ZFP90: variants seen among roughly 807,000 people sequenced by gnomAD.
ZFP90 encodes the protein zinc finger protein 90 homolog.
Under a neutral mutation model 60.8 loss-of-function variants are expected in ZFP90, and 38 were observed. The ratio of observed to expected loss-of-function variants is 0.62; its 90% CI spans 0.48 to 0.82. The LOEUF (loss-of-function observed/expected upper bound fraction) is 0.82. ZFP90 is among the 40% of genes least tolerant of loss of function. ZFP90 has a pLI of 0.00. For synonymous variants in ZFP90, 287 were observed against 264.8 expected (o/e 1.08, Z -0.82); for missense variants, 711 against 759.1 (o/e 0.94, Z 0.74).
downstream of ZFP90, among the ~76,000 whole-genome samples, chr16:68,569,698 C>G (rs1429703432): frequency 6.6e-6 from 1 of 151,846 alleles, no homozygotes; most frequent in Non-Finnish European, 1.5e-5. Flanking sequence ...CCCAGGAGTT[C>G]GAGACCAGTC....
In ZFP90 at chr16:68,566,379, G is replaced by C. The variant is rs771413384; in HGVS notation, c.*1681G>C. On this transcript the variant is annotated 3_prime_UTR_variant, in exon 5 of 5. Coordinates refer to ENST00000563169, the MANE Select transcript of ZFP90 (RefSeq NM_001305203.2). ...GCCCTAAATATGAATCATGGGGCAA[G>C]ATATTGGTCGTATTGATGGTGAACC... 1.0e-4 allele frequency: 101 copies of C among 985,430 alleles called. No homozygotes were observed. The highest frequency in any genetic ancestry group is 1.8e-4 in the Admixed American group (3 of 16,274). 61.0% of individuals were successfully genotyped at this position (985,430 alleles called of 1,614,324 possible).
downstream of ZFP90, among the ~76,000 whole-genome samples, chr16:68,569,794 A>T (rs186364236): frequency 2.0e-5 from 3 of 152,276 alleles, no homozygotes; most frequent in Admixed American, 6.5e-5. Flanking sequence ...TAATTTTTTT[A>T]AAAAAGGAAT....
At chr16:68,553,171 G>C (rs917555412) in intron 2 of ZFP90, among the ~76,000 whole-genome samples, 2 of 152,152 alleles carry the variant, frequency 1.3e-5, no homozygotes, top group African/African-American at 2.4e-5. Context: ...TTTACATTCT[G>C]CTTTGGGATA....
chr16:68,566,722 C>T lies in ZFP90; in HGVS notation c.*2024C>T, dbSNP rs2091533956. 4.1e-6 allele frequency: 4 copies of T among 985,464 alleles called. No individual in the cohort carries two copies. The highest frequency in any genetic ancestry group is 4.7e-5 in the South Asian group (1 of 21,296). 61.0% of individuals were successfully genotyped at this position (985,464 alleles called of 1,614,324 possible). A position where few individuals can be genotyped will look rare whatever the true frequency, so the allele number is the denominator to read the frequency against. On this transcript the variant is annotated 3_prime_UTR_variant, in exon 5 of 5. Coordinates refer to ENST00000563169, the MANE Select transcript of ZFP90 (RefSeq NM_001305203.2). ...TAGTTTGACAATGGGTAATTCTACT[C>T]AGACCCTCCCTACTGATTGGCTAGG...
In ZFP90 at chr16:68,558,408, T is replaced by C. The variant is rs1341202796; in HGVS notation, c.161-65T>C. 4.1e-6 allele frequency: 6 copies of C among 1,465,748 alleles called. No homozygotes were observed. The African/African-American group carries it at 8.3e-5, about 20-fold the overall frequency. 90.8% of individuals were successfully genotyped at this position (1,465,748 alleles called of 1,614,324 possible). A position where few individuals can be genotyped will look rare whatever the true frequency, so the allele number is the denominator to read the frequency against. ...AGGATCAAGGACTAGTACTGACTTG[T>C]CCTTAGGAGGGTTCTTTGTCCACTT... On this transcript the variant is annotated intron_variant, in intron 3 of 4. Transcript: ENST00000563169.
intron 2 of ZFP90, among the ~76,000 whole-genome samples, chr16:68,556,887 T>G (rs1021266888): frequency 6.6e-6 from 1 of 152,174 alleles, no homozygotes; most frequent in Admixed American, 6.6e-5. Flanking sequence ...CATGTGGACA[T>G]GCAGGAGGCT....
In ZFP90 at chr16:68,539,309, C is replaced by G. The variant is rs1437770270; in HGVS notation, c.-206C>G. 1.2e-5 allele frequency: 2 copies of G among 162,624 alleles called. No individual in the cohort carries two copies. The highest frequency in any genetic ancestry group is 2.7e-5 in the Non-Finnish European group (2 of 75,384). The allele number at this position is 162,624 out of a possible 1,614,324, so 10.1% of individuals were successfully genotyped here. On this transcript the variant is annotated 5_prime_UTR_variant, in exon 1 of 5. Transcript: ENST00000563169. ...CAGGCGCACTTCCAGTTCTGCCCCA[C>G]CGCTGCGGCCATTGTCCGACCCCGG... is the stretch of plus-strand genomic sequence containing the variant.
At chr16:68,576,482 C>G (rs947282618), downstream of ZFP90, among the ~76,000 whole-genome samples, 2 of 152,150 alleles carry the variant, frequency 1.3e-5, no homozygotes, top group Non-Finnish European at 2.9e-5. Context: ...CACGGTGGCT[C>G]ACGCCTGTAA....
At chr16:68,556,677 A>C (rs1446573477) in intron 2 of ZFP90, among the ~76,000 whole-genome samples, 1 of 152,214 alleles carries the variant, frequency 6.6e-6, no homozygotes. Context: ...AATATCTCCG[A>C]TCATTGCTAG....
At chr16:68,541,024 A>G (rs1011882269) in intron 2 of ZFP90, among the ~76,000 whole-genome samples, 5 of 150,140 alleles carry the variant, frequency 3.3e-5, no homozygotes, top group Non-Finnish European at 5.9e-5. Flanking sequence ...TGCCCGGCTA[A>G]TTTTTGTATT....
chr16:68,563,876 G>C lies in ZFP90; in HGVS notation c.1089G>C (p.Glu363Asp). Reference protein sequence around the residue: ...LTQHEVTHSGEKPFQCKECGK... With the variant: ...LTQHEVTHSGDKPFQCKECGK... ...AACACGAGGTCACACACAGTGGAGA[G>C]AAGCCCTTCCAGTGTAAGGAATGTG... Residue 363 changes from glutamate (E) to aspartate (D), a missense_variant, in exon 5 of 5, where the codon GAG (glutamate) becomes GAC (aspartate). Physicochemically the swap from Glu to Asp is conservative, Grantham distance 45 (BLOSUM62 2). Coordinates refer to ENST00000563169, the MANE Select transcript of ZFP90 (RefSeq NM_001305203.2). 6.2e-7 allele frequency: 1 copy of C among 1,614,170 alleles called. No homozygotes were observed. Among genetic ancestry groups the C allele is most frequent in the Non-Finnish European group, 8.5e-7 (1 of 1,180,038 alleles).
chr16:68,538,804 G>A (rs146331333), upstream of ZFP90, among the ~76,000 whole-genome samples: 95 of 152,204 alleles, frequency 6.2e-4, no homozygotes, highest in African/African-American at 2.2e-3. Context: ...CAGTAGATCT[G>A]CCTTTGCACA....
chr16:68,558,075 C>T lies in ZFP90; in HGVS notation c.111C>T (p.Ser37=). Residue 37 remains serine, a synonymous_variant, in exon 3 of 5, where the codon AGC becomes AGT. Transcript: ENST00000563169. ...EWYHVDPAQR[S]LYRDVMLENY... Reference sequence around the variant, plus strand: ...ACCATGTCGACCCTGCTCAGAGGAGCTTATACAGGGATGTGATGCTGGAGA... The same window carrying T: ...ACCATGTCGACCCTGCTCAGAGGAGTTTATACAGGGATGTGATGCTGGAGA... The T allele has an allele frequency of 6.2e-7, 1 of 1,613,888 alleles. No homozygotes were observed. The highest frequency in any genetic ancestry group is 8.5e-7 in the Non-Finnish European group (1 of 1,179,966).
chr16:68,548,381 A>T (rs936386274), intron 2 of ZFP90, among the ~76,000 whole-genome samples: 3 of 150,986 alleles, frequency 2.0e-5, no homozygotes, highest in African/African-American at 7.3e-5. Flanking sequence ...TTTTGTGTAA[A>T]CATTGGTAGT....
intron 2 of ZFP90, among the ~76,000 whole-genome samples, chr16:68,556,945 A>C (rs1219625328): frequency 6.6e-6 from 1 of 152,204 alleles, no homozygotes; most frequent in Non-Finnish European, 1.5e-5. Context: ...GTCAAGGAAC[A>C]TCAAGATCAG....
At chr16:68,573,620 A>G (rs1174667216) in intron 2 of ZFP90, among the ~76,000 whole-genome samples, 1 of 152,246 alleles carries the variant, frequency 6.6e-6, no homozygotes, top group Non-Finnish European at 1.5e-5. Context: ...TTTTAAGGGT[A>G]ACATCACACA....
Position 68,565,159 on chromosome 16 carries a change from G to C in ZFP90, c.*461G>C, listed in dbSNP as rs2091505675. On this transcript the variant is annotated 3_prime_UTR_variant, in exon 5 of 5. Transcript: ENST00000563169. ...CAACTCCAGGAAGTCACCATTCAAAGAATTAGATCAACTAGCCCAACCACT... is the reference window on the plus strand; with the variant it reads ...CAACTCCAGGAAGTCACCATTCAAACAATTAGATCAACTAGCCCAACCACT... 1 of 992,166 alleles carries C rather than the reference G, an allele frequency of 1.0e-6. No homozygotes were observed. Among genetic ancestry groups the C allele is most frequent in the Non-Finnish European group, 1.2e-6 (1 of 834,382 alleles). 61.5% of individuals were successfully genotyped at this position (992,166 alleles called of 1,614,324 possible).
chr16:68,558,196 C>G, intron 3 of ZFP90, 72 bp downstream of exon 3: 1 of 1,588,702 alleles, frequency 6.3e-7, no homozygotes, highest in Non-Finnish European at 8.6e-7. Flanking sequence ...AGTGGTGGTG[C>G]CCAGAGCTTA....
rs1232276411 is a variant in ZFP90 at position 68,564,735 on chromosome 16, C to G, written c.*37C>G. ...TTAAGGAATTTGCAGAATGCTTTAG[C>G]TAAAATGTTCTGATTCAGGATCAGA... On this transcript the variant is annotated 3_prime_UTR_variant, in exon 5 of 5. Coordinates refer to ENST00000563169, the MANE Select transcript of ZFP90 (RefSeq NM_001305203.2). The G allele has an allele frequency of 1.3e-6, 2 of 1,555,488 alleles. No homozygotes were observed. The highest frequency in any genetic ancestry group is 2.8e-5 in the African/African-American group (2 of 72,440).
Sources: gnomAD v4.1 joint callset for allele counts (sites outside exome capture counted in the v4.1 genomes callset) on GRCh38, gnomAD v4.1.1 for gene constraint, MANE v1.5 for transcripts, NCBI Gene and HGNC (gene_info 2026-07-23, HGNC 2026-07-21) for gene names.